The following FNDC11 variants were observed in gnomAD, a reference collection of about 807,000 sequenced individuals.
FNDC11 encodes fibronectin type III domain-containing protein 11.
FNDC11 carries 15 observed loss-of-function variants against 15.8 expected under a neutral mutation model. The observed-to-expected ratio is 0.95, with a 90% CI of 0.63 to 1.46. The LOEUF (loss-of-function observed/expected upper bound fraction) is 1.46. Among genes scored for constraint, FNDC11 ranks in the 40% most tolerant of loss-of-function variants. The pLI, the probability that FNDC11 is intolerant of heterozygous loss-of-function variation, is 0.00. For missense variants in FNDC11, 416 were observed against 443.4 expected, an observed-to-expected ratio of 0.94 and a Z score of 0.55; for synonymous variants, 190 against 203.1, an observed-to-expected ratio of 0.94 and a Z score of 0.55.
rs777223612 is a variant in FNDC11, at chr20:63,556,045, G to A, written c.382G>A (p.Asp128Asn). The change falls in exon 2 of 2, where the codon GAC becomes AAC. Residue 128 changes from aspartate (D) to asparagine (N), a missense_variant. Transcript: ENST00000370097. ...QTKIQLLLLGDLLEQLDHGRA... is the reference protein window; with the variant it reads ...QTKIQLLLLGNLLEQLDHGRA... ...CAAGATCCAGCTCCTGCTGCTCGGG[G>A]ACCTGTTGGAACAGCTCGACCATGG... 6.2e-7 allele frequency: 1 copy of A among 1,600,106 alleles called. No homozygotes were observed. Among genetic ancestry groups the A allele is most frequent in the East Asian group, 2.2e-5 (1 of 44,880 alleles).
Position 63,556,632 on chromosome 20 carries a change from C to A in FNDC11, c.*12C>A. 3.8e-6 allele frequency: 6 copies of A among 1,594,288 alleles called. No individual in the cohort carries two copies. Among genetic ancestry groups the A allele is most frequent in the Non-Finnish European group, 5.1e-6 (6 of 1,167,996 alleles). Reference sequence around the variant, plus strand: ...GCCACTCTGTCTGAGAGATGATTTTCTAATATTTATCCACTAATAAAGAAG... The same window carrying A: ...GCCACTCTGTCTGAGAGATGATTTTATAATATTTATCCACTAATAAAGAAG... On this transcript the variant is annotated 3_prime_UTR_variant, in exon 2 of 2. Transcript: ENST00000370097.
At position 63,556,584 on chromosome 20, in the gene FNDC11, G is replaced by A. The variant is rs550553362; in HGVS notation, c.921G>A (p.Glu307=). Residue 307 remains glutamate, a synonymous_variant, in exon 2 of 2, where the codon GAG becomes GAA. Coordinates refer to ENST00000370097, the MANE Select transcript of FNDC11 (RefSeq NM_001319152.2). The part of the protein sequence containing the change: ...RDSLTLHTKP[E]PLEGPALSHS... ...GCCTCACCCTGCACACCAAGCCGGA[G>A]CCCCTGGAGGGGCCCGCCCTCAGCC... The A allele has an allele frequency of 6.1e-5, 98 of 1,613,034 alleles. 2 individuals carry two copies. In the South Asian group the frequency reaches 1.0e-3, roughly 16 times the overall value.
chr20:63,556,340 T>C lies in FNDC11; in HGVS notation c.677T>C (p.Leu226Pro). ...GCGGCTCACCAGGACTGGGCCCGGCTGCGCTGGTTCGTCACCATCCAGCCA... is the reference window on the plus strand; with the variant it reads ...GCGGCTCACCAGGACTGGGCCCGGCCGCGCTGGTTCGTCACCATCCAGCCA... ...ASAAHQDWARLRWFVTIQPAT... is the reference protein window; with the variant it reads ...ASAAHQDWARPRWFVTIQPAT... The change falls in exon 2 of 2, where the codon CTG becomes CCG. Residue 226 changes from leucine (L) to proline (P), a missense_variant. Leu to Pro is a moderately conservative substitution (Grantham distance 98, BLOSUM62 -3). Transcript: ENST00000370097. 2 of 1,611,840 alleles carry C rather than the reference T, an allele frequency of 1.2e-6. No individual in the cohort carries two copies. The highest frequency in any genetic ancestry group is 1.7e-6 in the Non-Finnish European group (2 of 1,179,354).
chr20:63,553,255 G>A (rs921136390), upstream of FNDC11, among the ~76,000 whole-genome samples: 3 of 152,206 alleles, frequency 2.0e-5, no homozygotes, highest in Non-Finnish European at 4.4e-5. Context: ...GCTCCCCTGC[G>A]GGGCTCCCTG....
At position 63,556,341 on chromosome 20, in the gene FNDC11, G is replaced by A; in HGVS notation, c.678G>A (p.Leu226=). 2 of 1,611,958 alleles carry A rather than the reference G, an allele frequency of 1.2e-6. No individual in the cohort carries two copies. The highest frequency in any genetic ancestry group is 1.7e-6 in the Non-Finnish European group (2 of 1,179,538). ...CGGCTCACCAGGACTGGGCCCGGCT[G>A]CGCTGGTTCGTCACCATCCAGCCAG... ...ASAAHQDWAR[L]RWFVTIQPAT... Residue 226 remains leucine (L), a synonymous_variant, in exon 2 of 2, where the codon CTG becomes CTA. Transcript: ENST00000370097.
At position 63,556,042 on chromosome 20, in the gene FNDC11, G is replaced by C. The variant is rs139859545; in HGVS notation, c.379G>C (p.Gly127Arg). 7.5e-6 allele frequency: 12 copies of C among 1,599,950 alleles called. No homozygotes were observed. The highest frequency in any genetic ancestry group is 1.3e-5 in the African/African-American group (1 of 74,936). ...GACCAAGATCCAGCTCCTGCTGCTC[G>C]GGGACCTGTTGGAACAGCTCGACCA... ...AQTKIQLLLL[G>R]DLLEQLDHGR... is the part of the protein sequence containing the mutation. Residue 127 changes from glycine to arginine, a missense_variant, in exon 2 of 2, where the codon GGG becomes CGG. By Grantham distance (125) the Gly-to-Arg change is moderately radical. Coordinates refer to ENST00000370097, the MANE Select transcript of FNDC11 (RefSeq NM_001319152.2).
rs767533215 is a variant in FNDC11, at chr20:63,556,207, C to T, written c.544C>T (p.Leu182=). 1 of 1,596,238 alleles carries T rather than the reference C, an allele frequency of 6.3e-7. No individual in the cohort carries two copies. ...CCTGACCATGATGGTGCCGGGGCGGCTACACGTCAAGCACCGCCTGGTGTC... is the reference window on the plus strand; with the variant it reads ...CCTGACCATGATGGTGCCGGGGCGGTTACACGTCAAGCACCGCCTGGTGTC... ...SFLTMMVPGR[L]HVKHRLVSDV... is the part of the protein sequence containing the mutation. Residue 182 remains leucine (L), a synonymous_variant, in exon 2 of 2, where the codon CTA becomes TTA. Coordinates refer to ENST00000370097, the MANE Select transcript of FNDC11 (RefSeq NM_001319152.2).
At position 63,556,512 on chromosome 20, in the gene FNDC11, C is replaced by A. The variant is rs779442318; in HGVS notation, c.849C>A (p.Ile283=). Residue 283 remains isoleucine, a synonymous_variant, in exon 2 of 2, where the codon ATC becomes ATA. Transcript: ENST00000370097. ...CCAACCGATCCTATAAGTTCACCAT[C>A]AAGAGGGCCGAGACCTCCACGCTGG... ...LLPNRSYKFT[I]KRAETSTLVY... The A allele has an allele frequency of 6.0e-5, 97 of 1,607,774 alleles. No homozygotes were observed. Among genetic ancestry groups the A allele is most frequent in the South Asian group, 3.0e-4 (27 of 90,418 alleles).
At chr20:63,553,421 GTGGGAGGAGCCTGCGC>G (rs1600952508), upstream of FNDC11, among the ~76,000 whole-genome samples, 7 of 149,740 alleles carry the variant, frequency 4.7e-5, no homozygotes, top group South Asian at 2.2e-4. Flanking sequence ...GGAGCCCGCG[GTGGGAGGAGCCTGCGC>G]TGGGAGGAGC....
At chr20:63,555,508 C>G in intron 1 of FNDC11, 146 bp from the exon 2 acceptor site, 1 of 1,319,874 alleles carries the variant, frequency 7.6e-7, no homozygotes, top group Non-Finnish European at 1.0e-6. Context: ...ATCCAGCCCT[C>G]CAGGCAGCCT....
rs746142256 is a variant in FNDC11 at position 63,556,308 on chromosome 20, G to C, written c.645G>C (p.Lys215Asn). ...AGATGCCTGTCGTGTTTGACCGAAA[G>C]GCGTCGGCGGCTCACCAGGACTGGG... ...STKMPVVFDRKASAAHQDWAR... is the reference protein window; with the variant it reads ...STKMPVVFDRNASAAHQDWAR... Residue 215 changes from lysine (K) to asparagine (N), a missense_variant, in exon 2 of 2, where the codon AAG becomes AAC. Transcript: ENST00000370097. 1.6e-5 allele frequency: 25 copies of C among 1,606,166 alleles called. No individual in the cohort carries two copies. In the East Asian group the frequency reaches 4.9e-4, roughly 32 times the overall value.
upstream of FNDC11, chr20:63,553,741 C>T (rs553806219): frequency 6.5e-6 from 1 of 153,432 alleles, no homozygotes; most frequent in Admixed American, 6.5e-5. Context: ...GAAGCCGCCC[C>T]TCTCCTCTGT....
rs760046983 is a variant in FNDC11 at position 63,556,155 on chromosome 20, G to A, written c.492G>A (p.Ala164=). The A allele has an allele frequency of 1.8e-5, 28 of 1,594,414 alleles. No individual in the cohort carries two copies. The highest frequency in any genetic ancestry group is 1.1e-4 in the South Asian group (10 of 90,526). ...GGGCGCTGGTGGAGCGGCGGCTGGCGGACGTGTCGGCCGTCATGGACAGCT... is the reference window on the plus strand; with the variant it reads ...GGGCGCTGGTGGAGCGGCGGCTGGCAGACGTGTCGGCCGTCATGGACAGCT... ...ADWALVERRL[A]DVSAVMDSFL... Residue 164 remains alanine, a synonymous_variant, in exon 2 of 2, where the codon GCG becomes GCA. Transcript: ENST00000370097.
chr20:63,553,560 C>A (rs1265189799), upstream of FNDC11, among the ~76,000 whole-genome samples: 1 of 37,396 alleles, frequency 2.7e-5, no homozygotes, highest in Non-Finnish European at 4.4e-5. Flanking sequence ...GGGGAGCCCG[C>A]GGTGGGAGGA....
chr20:63,553,409 G>A (rs2082775757), upstream of FNDC11, among the ~76,000 whole-genome samples: 1 of 151,754 alleles, frequency 6.6e-6, no homozygotes, highest in Admixed American at 6.6e-5. Flanking sequence ...GCCGTGGTGG[G>A]GGGAGCCCGC....
chr20:63,556,650 TAAA>T lies in FNDC11; in HGVS notation c.*31_*33del. 1.3e-6 allele frequency: 2 copies of T among 1,570,540 alleles called. No homozygotes were observed. Among genetic ancestry groups the T allele is most frequent in the Non-Finnish European group, 1.7e-6 (2 of 1,149,326 alleles). ...TGATTTTCTAATATTTATCCACTAA[TAAA>T]GAAGAGTGTAAATGCACATATGGAA... On this transcript the variant is annotated 3_prime_UTR_variant, in exon 2 of 2. Transcript: ENST00000370097.
upstream of FNDC11, chr20:63,554,122 G>A (rs1164686386): frequency 6.6e-6 from 1 of 152,254 alleles, no homozygotes; most frequent in Non-Finnish European, 1.5e-5. Flanking sequence ...CGTCACAAAG[G>A]CCGCTGGTCC....
Position 63,556,212 on chromosome 20 carries a change from C to T in FNDC11, c.549C>T (p.His183=), listed in dbSNP as rs1352060707. The T allele has an allele frequency of 1.3e-5, 20 of 1,594,612 alleles. 1 individual carries two copies. Among genetic ancestry groups the T allele is most frequent in the Admixed American group, 3.4e-5 (2 of 59,488 alleles). The change falls in exon 2 of 2, where the codon CAC becomes CAT. Residue 183 remains histidine, a synonymous_variant. Transcript: ENST00000370097. The part of the protein sequence containing the change: ...FLTMMVPGRL[H]VKHRLVSDVS... Reference sequence around the variant, plus strand: ...CCATGATGGTGCCGGGGCGGCTACACGTCAAGCACCGCCTGGTGTCTGATG... The same window carrying T: ...CCATGATGGTGCCGGGGCGGCTACATGTCAAGCACCGCCTGGTGTCTGATG...
chr20:63,553,658 T>TGGGAGGAGCCC (rs2082780099), upstream of FNDC11: 1 of 133,506 alleles, frequency 7.5e-6, no homozygotes, highest in East Asian at 2.1e-4. Context: ...GGGGGGAGCC[T>TGGGAGGAGCCC]GCGGTGGGAG....
Sources: allele counts gnomAD v4.1 joint callset (sites outside exome capture counted in the v4.1 genomes callset), GRCh38; gene constraint gnomAD v4.1.1; transcripts MANE v1.5; gene names NCBI Gene and HGNC (gene_info 2026-07-23, HGNC 2026-07-21).